Variants in DOCK4 observed in about 807,000 individuals in gnomAD.
DOCK4 encodes the protein dedicator of cytokinesis protein 4.
DOCK4 carries 97 observed loss-of-function variants against 268.1 expected under a neutral mutation model. That is an observed-to-expected ratio of 0.36 (90% CI 0.31 to 0.43). DOCK4 has a LOEUF of 0.43. Ranked by LOEUF, DOCK4 falls within the 20% of genes least tolerant of loss-of-function variation. The pLI, the probability that DOCK4 is intolerant of heterozygous loss-of-function variation, is 1.00. For synonymous variants in DOCK4, 954 were observed against 887.2 expected (o/e 1.08, Z -1.34); for missense variants, 2,145 against 2,455.7 (o/e 0.87, Z 2.67).
chr7:111,911,225 G>T (rs916304623), intron 13 of DOCK4, among the ~76,000 whole-genome samples: 1 of 152,194 alleles, frequency 6.6e-6, no homozygotes, highest in African/African-American at 2.4e-5. Flanking sequence ...CAGACGGTCA[G>T]TGTAACATTG....
At chr7:112,006,155 C>T (rs1453477735) in intron 1 of DOCK4, among the ~76,000 whole-genome samples, 1 of 152,152 alleles carries the variant, frequency 6.6e-6, no homozygotes, top group Non-Finnish European at 1.5e-5. Flanking sequence ...GAACCCCAAT[C>T]TCATCACTTA....
chr7:112,102,120 G>GC (rs1164640353), intron 1 of DOCK4, among the ~76,000 whole-genome samples: 2 of 152,048 alleles, frequency 1.3e-5, no homozygotes, highest in East Asian at 3.9e-4. Flanking sequence ...CCCCTCTCCG[G>GC]CCGACCTCCC....
At position 112,077,457 on chromosome 7, in the gene DOCK4, T is replaced by C. The variant is rs575527268; in HGVS notation, c.38-73326A>G. ...TTTTAAATATTTATAGAAACTAACG[T>C]CTTTTAAAGATATATTATTTATAAA... On this transcript the variant is annotated intron_variant, in intron 1 of 52. Transcript: ENST00000428084. Among the ~76,000 whole-genome samples, 5 of 152,254 alleles carry C rather than the reference T, an allele frequency of 3.3e-5. No homozygotes were observed. The South Asian group carries it at 1.0e-3, about 32-fold the overall frequency.
At chr7:111,940,978 C>A (rs928430186) in intron 10 of DOCK4, among the ~76,000 whole-genome samples, 11 of 152,098 alleles carry the variant, frequency 7.2e-5, no homozygotes, top group African/African-American at 2.4e-4. Context: ...TTCAACACAA[C>A]CATAAATTGT....
chr7:111,944,923 G>T, intron 9 of DOCK4, 52 bp from the exon 10 acceptor site: 1 of 1,447,966 alleles, frequency 6.9e-7, no homozygotes, highest in Non-Finnish European at 9.7e-7. Flanking sequence ...GGCACTTAAA[G>T]GGCATAGCAC....
chr7:111,994,632 TA>T (rs1177411542), intron 4 of DOCK4, among the ~76,000 whole-genome samples: 1 of 151,950 alleles, frequency 6.6e-6, no homozygotes, highest in Non-Finnish European at 1.5e-5. Context: ...TCAAAGAGAG[TA>T]AAAGGAACAC....
intron 23 of DOCK4, among the ~76,000 whole-genome samples, chr7:111,860,007 G>T (rs1805369716): frequency 6.6e-6 from 1 of 152,076 alleles, no homozygotes; most frequent in East Asian, 1.9e-4. Context: ...TTCCCCTCCA[G>T]TCAGACAGAA....
chr7:111,824,444 G>A (rs1218164137), intron 26 of DOCK4, among the ~76,000 whole-genome samples: 3 of 151,998 alleles, frequency 2.0e-5, no homozygotes, highest in Non-Finnish European at 2.9e-5. Flanking sequence ...TTGGCTTTAT[G>A]GTCTACAATT....
At chr7:112,085,123 T>C (rs569250345) in intron 1 of DOCK4, among the ~76,000 whole-genome samples, 16 of 152,276 alleles carry the variant, frequency 1.1e-4, no homozygotes, top group African/African-American at 2.9e-4. Context: ...CAAAGCCATC[T>C]TCTAATCTTT....
chr7:112,045,885 C>T (rs535612495), intron 1 of DOCK4, among the ~76,000 whole-genome samples: 5 of 152,096 alleles, frequency 3.3e-5, no homozygotes, highest in Non-Finnish European at 7.3e-5. Flanking sequence ...TTTGCCAAAC[C>T]CTCCAAAAAA....
intron 5 of DOCK4, among the ~76,000 whole-genome samples, chr7:111,992,026 G>A (rs565213427): frequency 6.9e-6 from 1 of 144,082 alleles, no homozygotes; most frequent in Non-Finnish European, 1.5e-5. Flanking sequence ...GATGTAAAAT[G>A]TCCAGCTCAG....
chr7:111,756,361 T>G (rs960548291), intron 41 of DOCK4, among the ~76,000 whole-genome samples: 6 of 152,040 alleles, frequency 3.9e-5, no homozygotes, highest in African/African-American at 1.4e-4. Flanking sequence ...AAAAATTATT[T>G]TTTTTTGAAG....
chr7:111,947,887 C>T (rs1002545246), intron 8 of DOCK4, among the ~76,000 whole-genome samples: 2 of 151,934 alleles, frequency 1.3e-5, no homozygotes, highest in African/African-American at 4.8e-5. Flanking sequence ...CCACACTCGG[C>T]TAATTTTTGT....
intron 30 of DOCK4, among the ~76,000 whole-genome samples, chr7:111,804,627 T>C (rs1435648957): frequency 6.6e-6 from 1 of 151,648 alleles, no homozygotes; most frequent in Non-Finnish European, 1.5e-5. Flanking sequence ...TGAGACAGAG[T>C]CTCGCTCTGT....
At chr7:112,204,231 T>C (rs1821185548) in intron 1 of DOCK4, among the ~76,000 whole-genome samples, 1 of 152,166 alleles carries the variant, frequency 6.6e-6, no homozygotes, top group African/African-American at 2.4e-5. Flanking sequence ...AACTAATCGA[T>C]ACCAGCACCC....
intron 26 of DOCK4, among the ~76,000 whole-genome samples, chr7:111,828,025 G>A (rs1384903213): frequency 6.6e-6 from 1 of 152,172 alleles, no homozygotes; most frequent in East Asian, 1.9e-4. Flanking sequence ...AATCAACAAA[G>A]CACAGGAGTC....
chr7:111,750,726 G>A (rs1210887558), intron 42 of DOCK4, among the ~76,000 whole-genome samples: 1 of 152,140 alleles, frequency 6.6e-6, no homozygotes, highest in African/African-American at 2.4e-5. Context: ...ATCAGATCCT[G>A]TGTGTTAGCT....
chr7:111,739,716 T>C, intron 47 of DOCK4: 1 of 513,210 alleles, frequency 1.9e-6, no homozygotes. Flanking sequence ...ACACTGTGAC[T>C]TCGTACCAGT....
chr7:111,850,100 G>C (rs759274421), intron 23 of DOCK4, among the ~76,000 whole-genome samples: 3 of 151,772 alleles, frequency 2.0e-5, no homozygotes, highest in Non-Finnish European at 4.4e-5. Flanking sequence ...ATTTCTTTTT[G>C]TATCTGTAAG....
Sources: gnomAD v4.1 joint callset for allele counts (sites outside exome capture counted in the v4.1 genomes callset) on GRCh38, gnomAD v4.1.1 for gene constraint, MANE v1.5 for transcripts, NCBI Gene and HGNC (gene_info 2026-07-23, HGNC 2026-07-21) for gene names.